The following ROPN1 variants were observed in gnomAD, a reference collection of about 807,000 sequenced individuals.
ROPN1 encodes rhophilin associated tail protein 1, also known as ropporin-1A.
Under a neutral mutation model 20.5 loss-of-function variants are expected in ROPN1, and 14 were observed. The observed-to-expected ratio is 0.68, with a 90% CI of 0.45 to 1.07. The LOEUF (loss-of-function observed/expected upper bound fraction) is 1.07, where lower values mean the gene tolerates loss of function less well. Ranked by LOEUF, ROPN1 falls within the 50% of genes least tolerant of loss-of-function variation. ROPN1 has a pLI of 0.00. For synonymous variants in ROPN1, 76 were observed against 95.7 expected (o/e 0.79, Z 1.20); for missense variants, 169 against 242.8 (o/e 0.70, Z 2.02).
intron 1 of ROPN1, among the ~76,000 whole-genome samples, chr3:123,988,194 G>A (rs2038311577): frequency 1.3e-5 from 2 of 151,926 alleles, no homozygotes; most frequent in South Asian, 4.2e-4. Flanking sequence ...CACCCAGGCT[G>A]GAATGCAGTG....
intron 2 of ROPN1, chr3:123,979,565 G>T: frequency 2.6e-6 from 1 of 381,896 alleles, no homozygotes; most frequent in South Asian, 2.0e-5. Context: ...GGCTTTCTGT[G>T]CAAAGCTACT....
At chr3:123,985,186 A>G (rs548427662) in intron 1 of ROPN1, among the ~76,000 whole-genome samples, 20 of 152,298 alleles carry the variant, frequency 1.3e-4, no homozygotes, top group African/African-American at 4.8e-4. Flanking sequence ...AAACTTCCAG[A>G]TTTCATTACC....
At chr3:123,979,755 T>C in intron 2 of ROPN1, 1 of 351,674 alleles carries the variant, frequency 2.8e-6, no homozygotes, top group South Asian at 2.1e-5. Context: ...CATCTTTATG[T>C]TGGCAGAACA....
chr3:123,969,913 C>G (rs34337446), intron 5 of ROPN1, 129 bp downstream of exon 5: 474,491 of 866,666 alleles, frequency 0.55, 138,594 homozygotes, highest in Non-Finnish European at 0.62. Flanking sequence ...TTCAGATCAT[C>G]CATATTTCAT....
intron 4 of ROPN1, among the ~76,000 whole-genome samples, chr3:123,972,332 C>T (rs562348445): frequency 1.3e-5 from 2 of 152,276 alleles, no homozygotes; most frequent in Non-Finnish European, 2.9e-5. Flanking sequence ...CTAAAGTAAA[C>T]AGATCTTCAT....
chr3:123,990,024 ATAT>A (rs1294481961), intron 1 of ROPN1, among the ~76,000 whole-genome samples: 6 of 152,178 alleles, frequency 3.9e-5, no homozygotes, highest in African/African-American at 1.2e-4. Context: ...TTGTTAAATT[ATAT>A]GCTCAAAAAA....
chr3:123,985,769 C>T (rs2038237262), intron 1 of ROPN1, among the ~76,000 whole-genome samples: 1 of 151,808 alleles, frequency 6.6e-6, no homozygotes, highest in Admixed American at 6.6e-5. Context: ...AAACCCAACA[C>T]TTTGGGAGGC....
intron 4 of ROPN1, among the ~76,000 whole-genome samples, chr3:123,973,077 ACCCAATCAACTCCCAGAGGC>A (rs1348397076): frequency 6.6e-6 from 1 of 151,932 alleles, no homozygotes; most frequent in Admixed American, 6.5e-5. Context: ...CACCCTCATG[ACCCAATCAACTCCCAGAGGC>A]CCTACTTTTA....
At chr3:123,986,835 C>T (rs1374341914) in intron 1 of ROPN1, among the ~76,000 whole-genome samples, 4 of 152,214 alleles carry the variant, frequency 2.6e-5, no homozygotes, top group African/African-American at 2.4e-5. Flanking sequence ...CTGGAGCTCT[C>T]CACTGATCAG....
chr3:123,983,353 C>T (rs2038187583), intron 1 of ROPN1, among the ~76,000 whole-genome samples: 3 of 151,270 alleles, frequency 2.0e-5, no homozygotes. Flanking sequence ...CACTGTTTTC[C>T]ACAGCGGCTG....
chr3:123,987,670 G>A (rs2038295068), intron 1 of ROPN1, among the ~76,000 whole-genome samples: 1 of 152,164 alleles, frequency 6.6e-6, no homozygotes, highest in Admixed American at 6.5e-5. Context: ...TTTCTATCCT[G>A]AGACAAACCC....
intron 4 of ROPN1, among the ~76,000 whole-genome samples, chr3:123,973,802 T>C (rs944652273): frequency 8.6e-5 from 13 of 152,034 alleles, no homozygotes; most frequent in Admixed American, 2.0e-4. Context: ...AATGAGCCAG[T>C]TGGGGAGGCA....
Position 123,969,230 on chromosome 3 carries a change from A to G in ROPN1, c.573-9T>C, listed in dbSNP as rs745493812. On this transcript the variant is annotated splice_polypyrimidine_tract_variant and intron_variant, in intron 5 of 5. Coordinates refer to ENST00000405845, the MANE Select transcript of ROPN1 (RefSeq NM_001317774.2). Reference sequence around the variant, plus strand: ...TACCATCAGGGCCAATTCTGTTTGGAAAAAGGTATATCTGCAGTTAGTTCA... The same window carrying G: ...TACCATCAGGGCCAATTCTGTTTGGGAAAAGGTATATCTGCAGTTAGTTCA... 2 of 1,602,782 alleles carry G rather than the reference A, an allele frequency of 1.2e-6. No individual in the cohort carries two copies. Among genetic ancestry groups the G allele is most frequent in the East Asian group, 2.2e-5 (1 of 44,764 alleles).
chr3:123,980,127 T>C (rs2038107049), intron 2 of ROPN1: 2 of 571,954 alleles, frequency 3.5e-6, no homozygotes, highest in South Asian at 2.4e-5. Context: ...ACACGGCCTA[T>C]TGACCTGGCG....
At chr3:123,990,037 A>G (rs1225722354) in intron 1 of ROPN1, among the ~76,000 whole-genome samples, 2 of 152,182 alleles carry the variant, frequency 1.3e-5, no homozygotes, top group Admixed American at 6.5e-5. Flanking sequence ...TGCTCAAAAA[A>G]TTACTATATG....
At chr3:123,991,864 G>A (rs1327217669) in intron 1 of ROPN1, 58 bp downstream of exon 1, 3 of 150,440 alleles carry the variant, frequency 2.0e-5, no homozygotes, top group Admixed American at 6.6e-5. Flanking sequence ...TCAGACCAGC[G>A]CAGCCCTCGG....
chr3:123,970,623 C>T (rs1012600092), intron 4 of ROPN1, among the ~76,000 whole-genome samples: 5 of 152,078 alleles, frequency 3.3e-5, no homozygotes, highest in African/African-American at 1.2e-4. Context: ...CCTATATAGT[C>T]CAGCAGGATA....
chr3:123,983,803 C>T (rs530341804), intron 1 of ROPN1, among the ~76,000 whole-genome samples: 3 of 152,242 alleles, frequency 2.0e-5, no homozygotes, highest in Non-Finnish European at 2.9e-5. Flanking sequence ...CAGGACCATA[C>T]ATTTTTCTCA....
intron 1 of ROPN1, among the ~76,000 whole-genome samples, chr3:123,986,070 A>G (rs2038248021): frequency 6.7e-6 from 1 of 149,216 alleles, no homozygotes; most frequent in Admixed American, 6.7e-5. Context: ...TTTTGTGAAA[A>G]TCTAGAATTG....
Sources: gnomAD v4.1 joint callset for allele counts (sites outside exome capture counted in the v4.1 genomes callset) on GRCh38, gnomAD v4.1.1 for gene constraint, MANE v1.5 for transcripts, NCBI Gene and HGNC (gene_info 2026-07-23, HGNC 2026-07-21) for gene names.